FNIP2: variants seen among roughly 807,000 people sequenced by gnomAD.
The protein encoded by FNIP2 is folliculin-interacting protein 2.
FNIP2 carries 32 observed loss-of-function variants against 108.7 expected under a neutral mutation model. The ratio of observed to expected loss-of-function variants is 0.29; its 90% CI spans 0.22 to 0.40. The LOEUF (loss-of-function observed/expected upper bound fraction) is 0.40, where lower values mean the gene tolerates loss of function less well. Ranked by LOEUF, FNIP2 falls within the 10% of genes least tolerant of loss-of-function variation. FNIP2 has a pLI of 1.00. For synonymous variants in FNIP2, 480 were observed against 496.7 expected (o/e 0.97, Z 0.45); for missense variants, 1,202 against 1,381.6 (o/e 0.87, Z 2.06).
At chr4:158,821,521 T>C (rs1387139871) in intron 1 of FNIP2, among the ~76,000 whole-genome samples, 1 of 152,214 alleles carries the variant, frequency 6.6e-6, no homozygotes, top group African/African-American at 2.4e-5. Flanking sequence ...TAGAAGTGAA[T>C]GTGAATATGA....
At position 158,906,007 on chromosome 4, in the gene FNIP2, A is replaced by C. The variant is rs114608989; in HGVS notation, c.*1463A>C. On this transcript the variant is annotated 3_prime_UTR_variant, in exon 17 of 17. Coordinates refer to ENST00000264433, the MANE Select transcript of FNIP2 (RefSeq NM_020840.3). The stretch of plus-strand genomic sequence containing the variant: ...AGAATGACTTCAGTTTTTTCATTTG[A>C]TAAAAATCAGAACTGCTACCTTTCC... The C allele has an allele frequency of 5.0e-3, 763 of 152,330 alleles. 7 individuals carry two copies. The highest frequency in any genetic ancestry group is 0.017 in the African/African-American group (724 of 41,578). 9.4% of individuals were successfully genotyped at this position (152,330 alleles called of 1,614,324 possible).
chr4:158,846,394 TGAGGTGTGGTAC>T (rs1779407002), intron 7 of FNIP2, among the ~76,000 whole-genome samples: 1 of 152,190 alleles, frequency 6.6e-6, no homozygotes, highest in African/African-American at 2.4e-5. Context: ...TGAAAAATAC[TGAGGTGTGGTAC>T]TTTATTGTCC....
intron 8 of FNIP2, among the ~76,000 whole-genome samples, chr4:158,855,601 C>T (rs558462578): frequency 8.5e-5 from 13 of 152,348 alleles, no homozygotes; most frequent in African/African-American, 2.9e-4. Context: ...GCGTGTGCCA[C>T]CATGCCCAGC....
rs78319388 is a variant in FNIP2 at position 158,777,304 on chromosome 4, G to A, written c.107+7985G>A. Among the ~76,000 whole-genome samples the A allele has an allele frequency of 2.4e-3, 364 of 152,266 alleles. 1 individual carries two copies. The highest frequency in any genetic ancestry group is 8.6e-3 in the African/African-American group (357 of 41,542). On this transcript the variant is annotated intron_variant, in intron 1 of 16. Coordinates refer to ENST00000264433, the MANE Select transcript of FNIP2 (RefSeq NM_020840.3). Reference sequence around the variant, plus strand: ...TGGTTCTCTCAAATTTAAGATAATAGTACACTTAATTGTGAAAACAATATT... The same window carrying A: ...TGGTTCTCTCAAATTTAAGATAATAATACACTTAATTGTGAAAACAATATT...
intron 8 of FNIP2, among the ~76,000 whole-genome samples, chr4:158,854,421 T>C (rs552295244): frequency 6.6e-6 from 1 of 152,322 alleles, no homozygotes; most frequent in Admixed American, 6.5e-5. Context: ...GACCTGGCAG[T>C]GCCGCTTTAG....
chr4:158,792,602 T>G (rs1776456406), intron 1 of FNIP2, among the ~76,000 whole-genome samples: 1 of 152,198 alleles, frequency 6.6e-6, no homozygotes, highest in Non-Finnish European at 1.5e-5. Context: ...CAGAAACACA[T>G]ATACACTATA....
chr4:158,892,835 C>T (rs1782370638), intron 15 of FNIP2, among the ~76,000 whole-genome samples: 1 of 152,152 alleles, frequency 6.6e-6, no homozygotes, highest in Non-Finnish European at 1.5e-5. Flanking sequence ...ACCTGTTTAC[C>T]CAACAAAGCA....
At chr4:158,881,322 GTCTC>G (rs1781589618) in intron 14 of FNIP2, among the ~76,000 whole-genome samples, 1 of 100,614 alleles carries the variant, frequency 9.9e-6, no homozygotes, top group African/African-American at 4.2e-5. Flanking sequence ...TCTTTCCACC[GTCTC>G]GTCTCCCTCT....
rs1729733645 is a variant in FNIP2, at chr4:158,905,280, G to A, written c.*736G>A. ...TGTAGCCTCTTAATCCCATCAAGATGTAGTTTGTAGCAGCAAAGTGTACAG... is the reference window on the plus strand; with the variant it reads ...TGTAGCCTCTTAATCCCATCAAGATATAGTTTGTAGCAGCAAAGTGTACAG... On this transcript the variant is annotated 3_prime_UTR_variant, in exon 17 of 17. Transcript: ENST00000264433. The A allele has an allele frequency of 6.6e-6, 1 of 152,230 alleles. No individual in the cohort carries two copies. The allele number at this position is 152,230 out of a possible 1,614,324, so 9.4% of individuals were successfully genotyped here.
At chr4:158,861,170 G>A (rs1428751315) in intron 10 of FNIP2, among the ~76,000 whole-genome samples, 172 bp from the exon 11 acceptor site, 1 of 152,242 alleles carries the variant, frequency 6.6e-6, no homozygotes, top group Non-Finnish European at 1.5e-5. Flanking sequence ...AAAAAAGGTG[G>A]CAGTCAGATT....
rs199714823 is a variant in FNIP2, at chr4:158,791,266, C to CTTTTTTTT, written c.107+21969_107+21976dup. Among the ~76,000 whole-genome samples, 8 of 98,076 alleles carry CTTTTTTTT rather than the reference C, an allele frequency of 8.2e-5. 1 individual carries two copies. Among genetic ancestry groups the CTTTTTTTT allele is most frequent in the Admixed American group, 5.2e-4 (4 of 7,652 alleles). 64.3% of individuals were successfully genotyped at this position (98,076 alleles called of 152,430 possible). A position where few individuals can be genotyped will look rare whatever the true frequency, so the allele number is the denominator to read the frequency against. ...AGATGTTCCTTCTGCACTGAGGATC[C>CTTTTTTTT]TTTTTTTTTTTTTTTTTTTTTTTTT... On this transcript the variant is annotated intron_variant, in intron 1 of 16. Transcript: ENST00000264433.
At chr4:158,866,464 C>T (rs1345577963) in intron 12 of FNIP2, among the ~76,000 whole-genome samples, 2 of 149,128 alleles carry the variant, frequency 1.3e-5, no homozygotes, top group Non-Finnish European at 1.5e-5. Context: ...GTGATCCGCC[C>T]ACCTCGGCCT....
intron 7 of FNIP2, among the ~76,000 whole-genome samples, chr4:158,843,095 T>G (rs1166668455): frequency 6.6e-6 from 1 of 152,174 alleles, no homozygotes; most frequent in Non-Finnish European, 1.5e-5. Context: ...AGATAAGTAG[T>G]GTCATATTAC....
rs558188280 is a variant in FNIP2 at position 158,884,824 on chromosome 4, C to T, written c.2950-6622C>T. On this transcript the variant is annotated intron_variant, in intron 14 of 16. Coordinates refer to ENST00000264433, the MANE Select transcript of FNIP2 (RefSeq NM_020840.3). The stretch of plus-strand genomic sequence containing the variant: ...CAACAGGAGAGAGAGCAAGCGTATG[C>T]GAGGAAGTACCACACTTTAAAACCG... Among the ~76,000 whole-genome samples, 29 of 151,968 alleles carry T rather than the reference C, an allele frequency of 1.9e-4. 1 individual carries two copies. Among genetic ancestry groups the T allele is most frequent in the African/African-American group, 6.0e-4 (25 of 41,468 alleles).
At chr4:158,861,072 T>C (rs1261907743) in intron 10 of FNIP2, among the ~76,000 whole-genome samples, 1 of 152,224 alleles carries the variant, frequency 6.6e-6, no homozygotes, top group Non-Finnish European at 1.5e-5. Flanking sequence ...GCAACTGAAC[T>C]TAGCCGTTGT....
intron 16 of FNIP2, among the ~76,000 whole-genome samples, 176 bp downstream of exon 16, chr4:158,896,041 T>C (rs1246186357): frequency 6.6e-6 from 1 of 152,210 alleles, no homozygotes; most frequent in East Asian, 1.9e-4. Flanking sequence ...TGTTCCGTTA[T>C]CTGATACTGG....
At chr4:158,833,913 A>T in intron 6 of FNIP2, 2 of 1,337,742 alleles carry the variant, frequency 1.5e-6, no homozygotes, top group Non-Finnish European at 1.9e-6. Flanking sequence ...TGCTGAGTAC[A>T]GTGTGACCCA....
At chr4:158,896,351 C>T (rs914660351) in intron 16 of FNIP2, among the ~76,000 whole-genome samples, 6 of 152,108 alleles carry the variant, frequency 3.9e-5, no homozygotes, top group African/African-American at 9.7e-5. Flanking sequence ...TTATTATAAG[C>T]CCACCAAAGA....
intron 1 of FNIP2, among the ~76,000 whole-genome samples, chr4:158,820,286 C>T (rs1014776137): frequency 4.6e-5 from 7 of 152,172 alleles, no homozygotes; most frequent in African/African-American, 1.7e-4. Flanking sequence ...GCTTTTTCCA[C>T]ATGGGGATAC....
Sources: allele counts gnomAD v4.1 joint callset (sites outside exome capture counted in the v4.1 genomes callset), GRCh38; gene constraint gnomAD v4.1.1; transcripts MANE v1.5; gene names NCBI Gene and HGNC (gene_info 2026-07-23, HGNC 2026-07-21).